DPH6: variants seen among roughly 807,000 people sequenced by gnomAD.
DPH6 encodes the protein diphthamine biosynthesis 6, also known as diphthine--ammonia ligase.
DPH6 carries 33 observed loss-of-function variants against 38.2 expected under a neutral mutation model. The observed-to-expected ratio is 0.86, with a 90% confidence interval of 0.65 to 1.15. The LOEUF (loss-of-function observed/expected upper bound fraction) is 1.15, where lower values mean the gene tolerates loss of function less well. DPH6 is among the 50% of genes most tolerant of loss of function. The pLI is 0.00. For missense variants in DPH6, 325 were observed against 320.0 expected, an observed-to-expected ratio of 1.02 and a Z score of -0.12; for synonymous variants, 108 against 103.0, an observed-to-expected ratio of 1.05 and a Z score of -0.30.
chr15:35,442,692 A>G (rs937509290), intron 5 of DPH6, among the ~76,000 whole-genome samples: 1 of 152,242 alleles, frequency 6.6e-6, no homozygotes, highest in African/African-American at 2.4e-5. Context: ...ATGGCAACAA[A>G]AAGAACTCAA....
chr15:35,521,890 AT>A, intron 3 of DPH6: 1 of 1,395,668 alleles, frequency 7.2e-7, no homozygotes, highest in Middle Eastern at 2.6e-4. Context: ...TTCACATTAC[AT>A]TCCTTGGGAT....
chr15:35,252,424 T>C (rs1386352979), intron 3 of DPH6, among the ~76,000 whole-genome samples: 2 of 152,222 alleles, frequency 1.3e-5, no homozygotes, highest in African/African-American at 4.8e-5. Flanking sequence ...ACAAGTTTCA[T>C]TACTGCAGGA....
chr15:35,490,712 A>G (rs899127466), intron 3 of DPH6, among the ~76,000 whole-genome samples: 1 of 152,182 alleles, frequency 6.6e-6, no homozygotes, highest in Non-Finnish European at 1.5e-5. Flanking sequence ...TTGGAAAATT[A>G]TATCTGGAAG....
the DPH6 span, among the ~76,000 whole-genome samples, chr15:35,182,375 C>T: frequency 2.6e-5 from 4 of 151,120 alleles, no homozygotes; most frequent in African/African-American, 7.3e-5. Flanking sequence ...AAATTTAATA[C>T]GTTTAGTTTC....
At chr15:35,487,035 T>C (rs2054411746) in intron 3 of DPH6, among the ~76,000 whole-genome samples, 1 of 152,200 alleles carries the variant, frequency 6.6e-6, no homozygotes, top group Non-Finnish European at 1.5e-5. Context: ...TTTGACTCCA[T>C]GTCTCACATC....
chr15:35,388,389 A>G (rs1186931161), intron 6 of DPH6, among the ~76,000 whole-genome samples: 2 of 152,064 alleles, frequency 1.3e-5, no homozygotes, highest in African/African-American at 2.4e-5. Context: ...CTCTTTTTCT[A>G]TTGATTGGAA....
intron 3 of DPH6, among the ~76,000 whole-genome samples, chr15:35,353,249 A>G (rs1274270331): frequency 6.6e-6 from 1 of 152,104 alleles, no homozygotes; most frequent in Non-Finnish European, 1.5e-5. Flanking sequence ...CTCTGATGGT[A>G]GTTTCTTTTG....
intron 5 of DPH6, among the ~76,000 whole-genome samples, chr15:35,444,996 T>C (rs1894792909): frequency 6.6e-6 from 1 of 152,128 alleles, no homozygotes; most frequent in Non-Finnish European, 1.5e-5. Context: ...TTTAGAAAAA[T>C]AGTTTGCACA....
chr15:35,336,742 T>C (rs1264030964), intron 3 of DPH6, among the ~76,000 whole-genome samples: 1 of 152,206 alleles, frequency 6.6e-6, no homozygotes, highest in African/African-American at 2.4e-5. Context: ...ATATGCTGGA[T>C]TACATTTATT....
intron 3 of DPH6, among the ~76,000 whole-genome samples, chr15:35,500,152 C>T (rs752182394): frequency 1.3e-5 from 2 of 152,136 alleles, no homozygotes; most frequent in South Asian, 2.1e-4. Flanking sequence ...ATATATCAGT[C>T]CATGCTACAA....
chr15:35,194,681 C>T, the DPH6 span, among the ~76,000 whole-genome samples: 1 of 152,282 alleles, frequency 6.6e-6, no homozygotes, highest in Non-Finnish European at 1.5e-5. Context: ...GCAGATCCCA[C>T]GAAAAGTGAG....
chr15:35,376,714 C>A (rs942870959), intron 7 of DPH6, among the ~76,000 whole-genome samples: 1 of 152,040 alleles, frequency 6.6e-6, no homozygotes, highest in African/African-American at 2.4e-5. Flanking sequence ...TTTTACTGTA[C>A]CTTTTCTATG....
At chr15:35,454,655 T>G in intron 4 of DPH6, 92 bp downstream of exon 4, 1 of 1,067,812 alleles carries the variant, frequency 9.4e-7, no homozygotes. Context: ...CTACCATACC[T>G]ATTTATAATT....
At chr15:35,251,236 C>A (rs1335848924) in intron 3 of DPH6, among the ~76,000 whole-genome samples, 2 of 152,060 alleles carry the variant, frequency 1.3e-5, no homozygotes, top group East Asian at 3.8e-4. Flanking sequence ...TCAGGGGATA[C>A]AAGTGCAGGT....
chr15:35,281,749 C>T (rs998225096), intron 3 of DPH6, among the ~76,000 whole-genome samples: 5 of 152,172 alleles, frequency 3.3e-5, no homozygotes, highest in Admixed American at 2.0e-4. Flanking sequence ...CAATGAATCT[C>T]TGAGGGCCAA....
chr15:35,493,750 T>C (rs909986754), intron 3 of DPH6, among the ~76,000 whole-genome samples: 3 of 152,026 alleles, frequency 2.0e-5, no homozygotes, highest in Non-Finnish European at 4.4e-5. Flanking sequence ...AGAGGGTTGT[T>C]GGGATGGGGG....
chr15:35,425,452 T>G (rs1168678263), intron 5 of DPH6, among the ~76,000 whole-genome samples: 1 of 151,594 alleles, frequency 6.6e-6, no homozygotes, highest in African/African-American at 2.4e-5. Flanking sequence ...TTCATTAAAA[T>G]AGAATCTTTT....
chr15:35,531,158 T>A (rs1209140656), intron 3 of DPH6, among the ~76,000 whole-genome samples: 1 of 152,172 alleles, frequency 6.6e-6, no homozygotes, highest in Admixed American at 6.5e-5. Context: ...CAATCTCAGG[T>A]TTTTCCCTCA....
intron 7 of DPH6, among the ~76,000 whole-genome samples, chr15:35,377,180 C>T (rs146580550): frequency 2.2e-3 from 329 of 152,232 alleles, no homozygotes; most frequent in African/African-American, 7.1e-3. Flanking sequence ...TTTTGAAACA[C>T]GGCATTACGG....
Sources: allele counts gnomAD v4.1 joint callset (sites outside exome capture counted in the v4.1 genomes callset), GRCh38; gene constraint gnomAD v4.1.1; transcripts MANE v1.5; gene names NCBI Gene and HGNC (gene_info 2026-07-23, HGNC 2026-07-21).